Variants in TAFA2 observed in about 807,000 individuals in gnomAD.
The protein encoded by TAFA2 is TAFA chemokine like family member 2.
A neutral mutation model predicts 18.8 loss-of-function variants in TAFA2; 7 were observed. That is an observed-to-expected ratio of 0.37 (90% CI 0.21 to 0.70). The LOEUF (loss-of-function observed/expected upper bound fraction) is 0.70, where lower values mean the gene tolerates loss of function less well. TAFA2 is among the 30% of genes least tolerant of loss of function. The pLI is 0.53. For synonymous variants in TAFA2, 60 were observed against 54.2 expected (o/e 1.11, Z -0.47); for missense variants, 122 against 158.1 (o/e 0.77, Z 1.23).
At chr12:61,756,120 T>G (rs1869255433) in intron 2 of TAFA2, among the ~76,000 whole-genome samples, 1 of 152,062 alleles carries the variant, frequency 6.6e-6, no homozygotes, top group Non-Finnish European at 1.5e-5. Context: ...GAAACCAATG[T>G]GCAATAAGTC....
intron 1 of TAFA2, among the ~76,000 whole-genome samples, chr12:61,908,269 G>A (rs1876449514): frequency 1.3e-5 from 2 of 152,124 alleles, no homozygotes; most frequent in South Asian, 4.1e-4. Flanking sequence ...CCAGTGGGAG[G>A]TAATCAAATG....
chr12:62,012,475 A>C (rs1168775243), intron 1 of TAFA2, among the ~76,000 whole-genome samples: 1 of 152,086 alleles, frequency 6.6e-6, no homozygotes, highest in Non-Finnish European at 1.5e-5. Context: ...TGAAGGTACA[A>C]AGGTGCATAT....
chr12:62,072,821 A>C (rs1017971524), intron 1 of TAFA2, among the ~76,000 whole-genome samples: 1 of 152,198 alleles, frequency 6.6e-6, no homozygotes, highest in African/African-American at 2.4e-5. Context: ...AAAGATCAAA[A>C]TACCGAATGA....
intron 1 of TAFA2, among the ~76,000 whole-genome samples, chr12:62,256,924 A>G (rs1451085340): frequency 6.6e-6 from 1 of 152,084 alleles, no homozygotes; most frequent in African/African-American, 2.4e-5. Context: ...ACAATTACAT[A>G]AGATAAAAGA....
At chr12:61,826,757 GTC>G (rs143012938) in intron 2 of TAFA2, among the ~76,000 whole-genome samples, 40 of 148,876 alleles carry the variant, frequency 2.7e-4, no homozygotes, top group African/African-American at 4.7e-4. Context: ...TCTGAACTCT[GTC>G]TCTCTCTCTC....
chr12:61,708,375 T>C lies in TAFA2; in HGVS notation c.*2031A>G, dbSNP rs1413500313. ...TATTTGAAATTCCATGTTTTTTTTCTATTATATGCATGTATTACACTTGTA... is the reference window on the plus strand; with the variant it reads ...TATTTGAAATTCCATGTTTTTTTTCCATTATATGCATGTATTACACTTGTA... On this transcript the variant is annotated 3_prime_UTR_variant, in exon 5 of 5. Transcript: ENST00000416284. 1 of 152,140 alleles carries C rather than the reference T, an allele frequency of 6.6e-6. No individual in the cohort carries two copies. Among genetic ancestry groups the C allele is most frequent in the Admixed American group, 6.5e-5 (1 of 15,268 alleles). 9.4% of individuals were successfully genotyped at this position (152,140 alleles called of 1,614,324 possible). A position where few individuals can be genotyped will look rare whatever the true frequency, so the allele number is the denominator to read the frequency against.
intron 1 of TAFA2, among the ~76,000 whole-genome samples, chr12:61,983,428 G>T (rs539722438): frequency 5.4e-5 from 6 of 110,510 alleles, no homozygotes; most frequent in South Asian, 2.9e-4. Flanking sequence ...TTTTGTTTTG[G>T]GACAGAGTCT....
chr12:62,062,768 A>T (rs1882384925), intron 1 of TAFA2, among the ~76,000 whole-genome samples: 1 of 152,072 alleles, frequency 6.6e-6, no homozygotes, highest in African/African-American at 2.4e-5. Flanking sequence ...TTGCTTATTT[A>T]TGTTGCTGAC....
intron 2 of TAFA2, among the ~76,000 whole-genome samples, chr12:61,834,117 A>G (rs747496628): frequency 1.4e-4 from 21 of 152,054 alleles, no homozygotes; most frequent in Non-Finnish European, 2.8e-4. Context: ...TGTACCAGGC[A>G]CTTATCTAAA....
At chr12:61,714,552 G>A (rs1384810750) in intron 4 of TAFA2, among the ~76,000 whole-genome samples, 3 of 152,112 alleles carry the variant, frequency 2.0e-5, no homozygotes, top group Admixed American at 1.3e-4. Context: ...AACAACTCAT[G>A]CTAAAATCAT....
chr12:62,082,483 G>A (rs145555122), intron 1 of TAFA2, among the ~76,000 whole-genome samples: 25 of 152,224 alleles, frequency 1.6e-4, no homozygotes, highest in African/African-American at 6.0e-4. Flanking sequence ...GCATAGCACA[G>A]TCAATGTTTG....
At chr12:62,173,947 A>C (rs2062495389) in intron 1 of TAFA2, among the ~76,000 whole-genome samples, 1 of 152,216 alleles carries the variant, frequency 6.6e-6, no homozygotes. Context: ...TTAGATTTGG[A>C]AATTGTCAAC....
chr12:62,212,707 G>A (rs946108540), intron 1 of TAFA2, among the ~76,000 whole-genome samples: 8 of 152,090 alleles, frequency 5.3e-5, no homozygotes, highest in African/African-American at 1.7e-4. Context: ...TAATAAAAGC[G>A]AAACATTTGA....
intron 2 of TAFA2, among the ~76,000 whole-genome samples, chr12:61,773,560 A>G (rs915777219): frequency 6.6e-6 from 1 of 152,054 alleles, no homozygotes; most frequent in Non-Finnish European, 1.5e-5. Context: ...CCAAATACAT[A>G]GAGTCAAGTG....
At chr12:62,221,216 G>GGAAGGAAGGAAGGAAGGAAGGAA (rs758941151) in intron 1 of TAFA2, among the ~76,000 whole-genome samples, 9 of 78,862 alleles carry the variant, frequency 1.1e-4, no homozygotes, top group African/African-American at 2.4e-4. Flanking sequence ...GAAGGAAGGG[G>GGAAGGAAGGAAGGAAGGAAGGAA]GGAAGGAAGG....
intron 1 of TAFA2, among the ~76,000 whole-genome samples, chr12:61,870,898 T>C (rs948532796): frequency 2.0e-5 from 3 of 152,176 alleles, no homozygotes; most frequent in African/African-American, 7.2e-5. Context: ...TATTCAACCA[T>C]TATTCTCATA....
chr12:61,951,523 G>A (rs1390990995), intron 1 of TAFA2, among the ~76,000 whole-genome samples: 1 of 152,014 alleles, frequency 6.6e-6, no homozygotes, highest in Non-Finnish European at 1.5e-5. Context: ...GATGTAAGAT[G>A]AAAATTAATG....
chr12:61,769,238 C>T (rs1239591645), intron 2 of TAFA2, among the ~76,000 whole-genome samples: 1 of 151,998 alleles, frequency 6.6e-6, no homozygotes, highest in Non-Finnish European at 1.5e-5. Flanking sequence ...CTACCTCCAC[C>T]TGATGGTCTT....
intron 1 of TAFA2, among the ~76,000 whole-genome samples, chr12:62,166,544 C>T (rs1056293549): frequency 1.3e-5 from 2 of 152,088 alleles, no homozygotes; most frequent in Non-Finnish European, 2.9e-5. Flanking sequence ...CTTCCTTTCC[C>T]TTTTTTTCTC....
Sources: gnomAD v4.1 joint callset for allele counts (sites outside exome capture counted in the v4.1 genomes callset) on GRCh38, gnomAD v4.1.1 for gene constraint, MANE v1.5 for transcripts, NCBI Gene and HGNC (gene_info 2026-07-23, HGNC 2026-07-21) for gene names.